FLACC1: variants seen among roughly 807,000 people sequenced by gnomAD.
The protein encoded by FLACC1 is flagellum-associated coiled-coil domain-containing protein 1.
A neutral mutation model predicts 62.8 loss-of-function variants in FLACC1; 66 were observed. The ratio of observed to expected loss-of-function variants is 1.05; its 90% CI spans 0.86 to 1.29. The LOEUF is 1.29. Among genes scored for constraint, FLACC1 ranks in the 50% most tolerant of loss-of-function variants. FLACC1 has a pLI of 0.00. For missense variants in FLACC1, 452 were observed against 489.1 expected, an observed-to-expected ratio of 0.92 and a Z score of 0.71; for synonymous variants, 156 against 161.0, an observed-to-expected ratio of 0.97 and a Z score of 0.24.
intron 12 of FLACC1, among the ~76,000 whole-genome samples, chr2:201,298,488 A>G (rs1949911451): frequency 2.0e-5 from 3 of 152,212 alleles, no homozygotes; most frequent in African/African-American, 4.8e-5. Flanking sequence ...ACAGGCCCAG[A>G]CATGACACAA....
chr2:201,323,454 G>A (rs1559403407), intron 9 of FLACC1, among the ~76,000 whole-genome samples: 1 of 152,034 alleles, frequency 6.6e-6, no homozygotes, highest in African/African-American at 2.4e-5. Flanking sequence ...TCCTTAAACA[G>A]AAAAAAACTG....
chr2:201,308,691 CA>C (rs1483791452), intron 10 of FLACC1, among the ~76,000 whole-genome samples: 1 of 152,080 alleles, frequency 6.6e-6, no homozygotes, highest in Non-Finnish European at 1.5e-5. Flanking sequence ...AAATATTTAC[CA>C]AGTGTGACTT....
At chr2:201,363,431 G>A in the FLACC1 span, among the ~76,000 whole-genome samples, 10 of 151,918 alleles carry the variant, frequency 6.6e-5, no homozygotes, top group African/African-American at 1.2e-4. Context: ...TTTGCACCCC[G>A]GCAGATCTCT....
chr2:201,360,201 T>G (rs1337245544), upstream of FLACC1, among the ~76,000 whole-genome samples: 1 of 152,200 alleles, frequency 6.6e-6, no homozygotes, highest in African/African-American at 2.4e-5. Context: ...TGGATGAAAT[T>G]GGGGAAGTGC....
chr2:201,310,137 T>C (rs560863773), intron 9 of FLACC1, among the ~76,000 whole-genome samples: 46 of 152,168 alleles, frequency 3.0e-4, no homozygotes, highest in African/African-American at 1.1e-3. Flanking sequence ...TGGATGACAC[T>C]AGTAGGGTCC....
chr2:201,321,626 C>T (rs1228675301), intron 9 of FLACC1, among the ~76,000 whole-genome samples: 4 of 152,146 alleles, frequency 2.6e-5, no homozygotes, highest in Admixed American at 2.6e-4. Context: ...CCTCTAGGTT[C>T]AAGCTTGTAT....
chr2:201,313,260 G>A (rs991109632), intron 9 of FLACC1, among the ~76,000 whole-genome samples: 1 of 152,198 alleles, frequency 6.6e-6, no homozygotes, highest in Non-Finnish European at 1.5e-5. Flanking sequence ...TCCACAGGCA[G>A]GGAAGCACAA....
At chr2:201,329,394 A>G (rs1353663061) in intron 9 of FLACC1, among the ~76,000 whole-genome samples, 2 of 152,234 alleles carry the variant, frequency 1.3e-5, no homozygotes, top group African/African-American at 4.8e-5. Flanking sequence ...GGAAATTCTC[A>G]AAGAACTTAA....
chr2:201,344,729 C>T (rs989329773), intron 5 of FLACC1, among the ~76,000 whole-genome samples: 1 of 152,124 alleles, frequency 6.6e-6, no homozygotes, highest in Non-Finnish European at 1.5e-5. Flanking sequence ...GCTTTCAGCA[C>T]AGGTCATGGT....
At chr2:201,325,287 G>T (rs1280628356) in intron 9 of FLACC1, among the ~76,000 whole-genome samples, 3 of 151,934 alleles carry the variant, frequency 2.0e-5, no homozygotes, top group Admixed American at 2.0e-4. Flanking sequence ...GAAGTCCAAA[G>T]ATAGAAGAAA....
In FLACC1 at chr2:201,321,860, C is replaced by T. The variant is rs138407764; in HGVS notation, c.675+8610G>A. 1.0e-3 allele frequency among the ~76,000 whole-genome samples: 154 copies of T among 152,262 alleles called. 1 individual carries two copies. The highest frequency in any genetic ancestry group is 3.5e-3 in the African/African-American group (144 of 41,552). On this transcript the variant is annotated intron_variant, in intron 9 of 14. Transcript: ENST00000392257. ...CAGCCACCTCTGTCAAGGCTGAGAC[C>T]TCTGCCCATCACTGGGTATTGCATT...
chr2:201,290,954 A>C (rs1949720298), intron 12 of FLACC1, among the ~76,000 whole-genome samples: 1 of 152,144 alleles, frequency 6.6e-6, no homozygotes, highest in African/African-American at 2.4e-5. Flanking sequence ...CTGAGATCAA[A>C]CTGCGAGGTG....
intron 13 of FLACC1, 64 bp from the exon 14 acceptor site, chr2:201,289,630 T>C (rs1053216005): frequency 6.8e-6 from 11 of 1,611,818 alleles, no homozygotes; most frequent in African/African-American, 1.3e-5. Flanking sequence ...CAGAGCTATA[T>C]GGCAGAGCTG....
chr2:201,300,459 A>AG (rs1280950246), intron 11 of FLACC1, among the ~76,000 whole-genome samples: 3 of 152,202 alleles, frequency 2.0e-5, no homozygotes, highest in Non-Finnish European at 4.4e-5. Context: ...CCACAGCTCA[A>AG]GGAGGCCTGC....
chr2:201,290,717 G>A (rs190119177), intron 12 of FLACC1, among the ~76,000 whole-genome samples: 80 of 152,302 alleles, frequency 5.3e-4, no homozygotes, highest in South Asian at 1.0e-3. Flanking sequence ...AGCATGAGCC[G>A]AAGCAGGGCG....
chr2:201,309,922 A>AG (rs1373859192), intron 9 of FLACC1, among the ~76,000 whole-genome samples: 1 of 130,418 alleles, frequency 7.7e-6, no homozygotes, highest in Non-Finnish European at 1.6e-5. Context: ...AAAAAAAAAA[A>AG]AAAAAGAAGA....
chr2:201,323,518 TAA>T (rs1950443286), intron 9 of FLACC1, among the ~76,000 whole-genome samples: 1 of 151,986 alleles, frequency 6.6e-6, no homozygotes, highest in Non-Finnish European at 1.5e-5. Context: ...GAAGGAGAAA[TAA>T]AAGTCATTTT....
chr2:201,292,725 A>G (rs1191310074), intron 12 of FLACC1, among the ~76,000 whole-genome samples: 2 of 152,198 alleles, frequency 1.3e-5, no homozygotes, highest in African/African-American at 4.8e-5. Flanking sequence ...AAAGACACAG[A>G]CTGGCAAATT....
chr2:201,312,915 G>C (rs551745904), intron 9 of FLACC1, among the ~76,000 whole-genome samples: 3 of 152,304 alleles, frequency 2.0e-5, no homozygotes, highest in Admixed American at 2.0e-4. Flanking sequence ...TAGGAAAGGG[G>C]GATTGTCCAC....
Sources: allele counts gnomAD v4.1 joint callset (sites outside exome capture counted in the v4.1 genomes callset), GRCh38; gene constraint gnomAD v4.1.1; transcripts MANE v1.5; gene names NCBI Gene and HGNC (gene_info 2026-07-23, HGNC 2026-07-21).